The following DRC9 variants were observed in gnomAD, a reference collection of about 807,000 sequenced individuals.
DRC9 encodes the protein dynein regulatory complex subunit 9.
the DRC9 span, chr3:197,953,892 C>A: frequency 1.0e-6 from 1 of 995,512 alleles, no homozygotes; most frequent in Non-Finnish European, 1.6e-6. Context: ...TAAAGTTTCT[C>A]AGGTGATGAA....
the DRC9 span, chr3:197,958,037 TACA>T: frequency 1.3e-5 from 2 of 152,318 alleles, no homozygotes; most frequent in South Asian, 2.1e-4. Flanking sequence ...TTGAGTGTAA[TACA>T]ACGTCACTGA....
At chr3:197,938,884 C>G in the DRC9 span, 1 of 820,026 alleles carries the variant, frequency 1.2e-6, no homozygotes. Context: ...CTGACTTCTA[C>G]TCTATACTCC....
the DRC9 span, among the ~76,000 whole-genome samples, chr3:197,910,983 A>C: frequency 7.7e-6 from 1 of 129,862 alleles, no homozygotes; most frequent in Non-Finnish European, 1.6e-5. Context: ...AAAACAAAAC[A>C]AAAAAAAAAA....
chr3:197,904,284 G>T, the DRC9 span, among the ~76,000 whole-genome samples: 48 of 151,726 alleles, frequency 3.2e-4, no homozygotes, highest in African/African-American at 1.2e-3. Flanking sequence ...TAAAAGACAG[G>T]CAATAATGAA....
At chr3:197,942,832 C>T in the DRC9 span, among the ~76,000 whole-genome samples, 1 of 148,656 alleles carries the variant, frequency 6.7e-6, no homozygotes, top group South Asian at 2.1e-4. Flanking sequence ...TGCTTGAACC[C>T]GGGAGGCGGA....
the DRC9 span, among the ~76,000 whole-genome samples, chr3:197,893,660 G>A: frequency 0.19 from 28,709 of 150,446 alleles, 4,339 homozygotes; most frequent in African/African-American, 0.42. Flanking sequence ...TGGCTAACAC[G>A]GTGAAACCCT....
chr3:197,941,200 CTT>C, the DRC9 span, among the ~76,000 whole-genome samples: 388 of 143,132 alleles, frequency 2.7e-3, no homozygotes, highest in African/African-American at 7.8e-3. Context: ...TCCTCTGTCT[CTT>C]TCTTTCCCTT....
chr3:197,951,431 A>C, the DRC9 span: 4 of 1,093,938 alleles, frequency 3.7e-6, no homozygotes, highest in East Asian at 9.6e-5. Context: ...TCCCTCACCG[A>C]AACCTCCGCC....
At chr3:197,930,336 G>T in the DRC9 span, among the ~76,000 whole-genome samples, 16 of 152,150 alleles carry the variant, frequency 1.1e-4, no homozygotes, top group Middle Eastern at 3.4e-3. Flanking sequence ...TGACAAAAAA[G>T]AATACTATAA....
chr3:197,921,984 T>G, the DRC9 span, among the ~76,000 whole-genome samples: 8 of 115,242 alleles, frequency 6.9e-5, no homozygotes, highest in Admixed American at 4.5e-4. Context: ...TTTCAGTAAC[T>G]CTGGCGATTT....
the DRC9 span, among the ~76,000 whole-genome samples, chr3:197,953,078 C>T: frequency 3.3e-5 from 5 of 152,214 alleles, no homozygotes; most frequent in African/African-American, 7.2e-5. Flanking sequence ...GGATTACAGG[C>T]GTGAGCCATC....
At chr3:197,935,897 AC>A in the DRC9 span, among the ~76,000 whole-genome samples, 1 of 152,196 alleles carries the variant, frequency 6.6e-6, no homozygotes, top group Non-Finnish European at 1.5e-5. Flanking sequence ...CAGTACTTCT[AC>A]TTCATAGAAT....
chr3:197,916,084 C>A, the DRC9 span: 1 of 152,254 alleles, frequency 6.6e-6, no homozygotes, highest in Non-Finnish European at 1.5e-5. Context: ...TTCCTGGGCT[C>A]AAGCCATCTT....
the DRC9 span, chr3:197,960,007 C>T: frequency 1.8e-6 from 1 of 569,324 alleles, no homozygotes; most frequent in African/African-American, 1.9e-5. Flanking sequence ...TTCTTCCTCC[C>T]ACAGCCCCAC....
chr3:197,939,744 C>CT, the DRC9 span, among the ~76,000 whole-genome samples: 3,050 of 146,016 alleles, frequency 0.021, 106 homozygotes, highest in African/African-American at 0.072. Flanking sequence ...GCTCCACTGT[C>CT]TTTTTTTTTT....
chr3:197,907,086 C>T, the DRC9 span, among the ~76,000 whole-genome samples: 1 of 152,236 alleles, frequency 6.6e-6, no homozygotes, highest in East Asian at 1.9e-4. Flanking sequence ...CTTCAGGATC[C>T]CATCACCCCA....
the DRC9 span, chr3:197,951,402 G>T: frequency 7.2e-7 from 1 of 1,380,652 alleles, no homozygotes; most frequent in African/African-American, 1.4e-5. Context: ...TGCCGAGGCT[G>T]GAATGCAGTG....
the DRC9 span, among the ~76,000 whole-genome samples, chr3:197,921,344 A>C: frequency 1.0e-5 from 1 of 98,202 alleles, no homozygotes; most frequent in Non-Finnish European, 1.8e-5. Flanking sequence ...TTCTTGGTCG[A>C]CCCGACTACT....
At chr3:197,918,894 G>T in the DRC9 span, among the ~76,000 whole-genome samples, 1 of 151,836 alleles carries the variant, frequency 6.6e-6, no homozygotes, top group Non-Finnish European at 1.5e-5. Context: ...TTGCAACTTC[G>T]GTCTCCCAGG....
Sources: allele counts gnomAD v4.1 joint callset (sites outside exome capture counted in the v4.1 genomes callset), GRCh38; gene constraint gnomAD v4.1.1; transcripts MANE v1.5; gene names NCBI Gene and HGNC (gene_info 2026-07-23, HGNC 2026-07-21).